Variants in VPS35L observed in about 807,000 individuals in gnomAD.
VPS35L encodes the protein VPS35 endosomal protein sorting factor like.
In VPS35L, 83 loss-of-function variants were observed where a neutral mutation model predicts 133.0. The ratio of observed to expected loss-of-function variants is 0.62; its 90% CI spans 0.52 to 0.75. The LOEUF (loss-of-function observed/expected upper bound fraction) is 0.75, where lower values mean the gene tolerates loss of function less well. VPS35L is among the 30% of genes least tolerant of loss of function. The pLI is 0.00. For missense variants in VPS35L, 1,083 were observed against 1,206.8 expected (o/e 0.90, Z 1.52); for synonymous variants, 423 against 449.9 (o/e 0.94, Z 0.76).
intron 14 of VPS35L, among the ~76,000 whole-genome samples, chr16:19,620,067 T>A (rs576202848): frequency 6.6e-6 from 1 of 152,228 alleles, no homozygotes; most frequent in African/African-American, 2.4e-5. Context: ...GAATTTCAAA[T>A]CGAAATTGAA....
chr16:19,676,424 C>A (rs1975064313), intron 27 of VPS35L, among the ~76,000 whole-genome samples: 1 of 152,200 alleles, frequency 6.6e-6, no homozygotes, highest in Admixed American at 6.5e-5. Flanking sequence ...GCTTTAGCAT[C>A]AGTAGTCGTC....
At chr16:19,693,171 A>G (rs996114898) in intron 29 of VPS35L, among the ~76,000 whole-genome samples, 2 of 151,858 alleles carry the variant, frequency 1.3e-5, no homozygotes, top group African/African-American at 4.8e-5. Context: ...TGGCATTGGA[A>G]CCCCAGTTTC....
intron 21 of VPS35L, among the ~76,000 whole-genome samples, 199 bp downstream of exon 21, chr16:19,640,299 A>T (rs1973749211): frequency 6.6e-6 from 1 of 152,140 alleles, no homozygotes; most frequent in Admixed American, 6.5e-5. Context: ...CAGAGTAGCA[A>T]GTGTTATCAT....
chr16:19,615,785 G>C (rs1238805606), intron 12 of VPS35L, among the ~76,000 whole-genome samples: 1 of 151,622 alleles, frequency 6.6e-6, no homozygotes. Flanking sequence ...TGGCCAATGT[G>C]GTGAAACCCT....
intron 26 of VPS35L, among the ~76,000 whole-genome samples, chr16:19,661,704 A>G (rs934147708): frequency 6.6e-6 from 1 of 152,200 alleles, no homozygotes; most frequent in African/African-American, 2.4e-5. Context: ...GCAGTGCAGA[A>G]CAGCATCCCT....
At chr16:19,684,490 A>G (rs1205727456) in intron 28 of VPS35L, among the ~76,000 whole-genome samples, 1 of 152,196 alleles carries the variant, frequency 6.6e-6, no homozygotes, top group Non-Finnish European at 1.5e-5. Flanking sequence ...GATGTAATGC[A>G]GGGAGGCTGG....
chr16:19,631,680 T>G (rs1316204954), intron 18 of VPS35L, among the ~76,000 whole-genome samples: 3 of 152,220 alleles, frequency 2.0e-5, no homozygotes, highest in Non-Finnish European at 4.4e-5. Context: ...TGTCAGTATT[T>G]CAGCACACCT....
intron 10 of VPS35L, chr16:19,608,504 G>A (rs1972607955): frequency 2.0e-6 from 1 of 492,752 alleles, no homozygotes; most frequent in South Asian, 3.5e-5. Context: ...CATGTGTCAA[G>A]CATTTGTTTC....
rs373545292 is a variant in VPS35L, at chr16:19,591,855, C to A, written c.705C>A (p.Thr235=). The change falls in exon 8 of 31, where the codon ACC becomes ACA. Residue 235 remains threonine (T), a synonymous_variant. Transcript: ENST00000417362. ...ACCCAAGCAAATTTGTCCTTATCAC[C>A]GACATACTTGATACATTTGGTAAGT... is the stretch of plus-strand genomic sequence containing the variant. The part of the protein sequence containing the change: ...QFYPSKFVLI[T]DILDTFGKLV... The A allele has an allele frequency of 5.2e-5, 83 of 1,607,698 alleles. No homozygotes were observed. The highest frequency in any genetic ancestry group is 6.6e-5 in the Non-Finnish European group (78 of 1,174,646).
At chr16:19,613,598 C>G (rs1305271246) in intron 12 of VPS35L, among the ~76,000 whole-genome samples, 1 of 152,116 alleles carries the variant, frequency 6.6e-6, no homozygotes, top group Non-Finnish European at 1.5e-5. Flanking sequence ...ACCTTAGGAA[C>G]CTTATTGGAA....
rs73537532 is a variant in VPS35L, at chr16:19,640,332, T to C, written c.1784+232T>C. On this transcript the variant is annotated intron_variant, in intron 21 of 30. Transcript: ENST00000417362. ...CATGAGCCTGGCCAGAAAACCACAC[T>C]GGAAGGAAAGCCACATTAAAAGCAG... Among the ~76,000 whole-genome samples, 981 of 152,294 alleles carry C rather than the reference T, an allele frequency of 6.4e-3. 11 individuals are homozygous for C. Among genetic ancestry groups the C allele is most frequent in the African/African-American group, 0.022 (921 of 41,550 alleles).
intron 21 of VPS35L, 135 bp from the exon 22 acceptor site, chr16:19,642,261 G>A: frequency 1.5e-6 from 1 of 670,578 alleles, no homozygotes; most frequent in South Asian, 2.0e-5. Flanking sequence ...CTCGTTACTG[G>A]TAAACTGGGC....
intron 29 of VPS35L, among the ~76,000 whole-genome samples, chr16:19,696,536 C>T (rs945633205): frequency 6.6e-6 from 1 of 152,080 alleles, no homozygotes; most frequent in Non-Finnish European, 1.5e-5. Context: ...CCGAGAGCTT[C>T]CTGGAAATGA....
chr16:19,649,370 G>T (rs1032705705), intron 24 of VPS35L, among the ~76,000 whole-genome samples: 2 of 152,204 alleles, frequency 1.3e-5, no homozygotes, highest in African/African-American at 4.8e-5. Context: ...TTTGGAGTTA[G>T]ATTGGTGATG....
chr16:19,598,331 T>C (rs1972279943), intron 8 of VPS35L, among the ~76,000 whole-genome samples: 2 of 152,244 alleles, frequency 1.3e-5, no homozygotes, highest in South Asian at 4.1e-4. Context: ...ACCACTGTTA[T>C]TATTTATCTC....
chr16:19,672,673 G>A (rs1168384339), intron 27 of VPS35L, among the ~76,000 whole-genome samples: 8 of 152,130 alleles, frequency 5.3e-5, no homozygotes, highest in Non-Finnish European at 1.0e-4. Context: ...ACCCCAAGAT[G>A]GGGCAGCGTG....
chr16:19,594,647 A>T, intron 8 of VPS35L, among the ~76,000 whole-genome samples: 1 of 110,910 alleles, frequency 9.0e-6, no homozygotes, highest in Non-Finnish European at 1.7e-5. Context: ...TTCGTCTCAA[A>T]AAAAAAAAAA....
At chr16:19,577,682 G>A (rs1170687470) in intron 5 of VPS35L, among the ~76,000 whole-genome samples, 1 of 152,074 alleles carries the variant, frequency 6.6e-6, no homozygotes, top group Non-Finnish European at 1.5e-5. Flanking sequence ...CAAGATGATG[G>A]TATTAGGAGA....
intron 3 of VPS35L, among the ~76,000 whole-genome samples, chr16:19,569,899 C>T (rs1971309050): frequency 1.3e-5 from 2 of 152,070 alleles, no homozygotes; most frequent in Admixed American, 1.3e-4. Flanking sequence ...GTACTCCAAG[C>T]CTCAAGCGAT....
Sources: gnomAD v4.1 joint callset for allele counts (sites outside exome capture counted in the v4.1 genomes callset) on GRCh38, gnomAD v4.1.1 for gene constraint, MANE v1.5 for transcripts, NCBI Gene and HGNC (gene_info 2026-07-23, HGNC 2026-07-21) for gene names.